Variants in NEK5 observed in about 807,000 individuals in gnomAD.
NEK5 encodes serine/threonine-protein kinase Nek5.
Under a neutral mutation model 109.2 loss-of-function variants are expected in NEK5, and 88 were observed. The observed-to-expected ratio is 0.81, with a 90% CI of 0.68 to 0.96. The LOEUF (loss-of-function observed/expected upper bound fraction) is 0.96. Ranked by LOEUF, NEK5 falls within the 40% of genes least tolerant of loss-of-function variation. The probability of loss-of-function intolerance (pLI) is 0.00; values close to 1 mark genes in which losing one functional copy is unlikely to be tolerated. For missense variants in NEK5, 834 were observed against 920.7 expected (o/e 0.91, Z 1.22); for synonymous variants, 283 against 299.9 (o/e 0.94, Z 0.58).
intron 23 of NEK5, among the ~76,000 whole-genome samples, chr13:52,045,575 C>T (rs1248641380): frequency 8.0e-6 from 1 of 125,354 alleles, no homozygotes; most frequent in South Asian, 2.8e-4. Context: ...ACCATCCTGG[C>T]TAACAAGGTG....
chr13:52,128,379 C>T (rs1258983400), intron 1 of NEK5, among the ~76,000 whole-genome samples: 1 of 152,110 alleles, frequency 6.6e-6, no homozygotes, highest in African/African-American at 2.4e-5. Flanking sequence ...TCCCCAGGCG[C>T]GGCTACTGGC....
rs1316081619 is a variant in NEK5, at chr13:52,072,066, A to G, written c.1727T>C (p.Met576Thr). 1.2e-6 allele frequency: 2 copies of G among 1,609,932 alleles called. No individual in the cohort carries two copies. Among genetic ancestry groups the G allele is most frequent in the East Asian group, 4.5e-5 (2 of 44,854 alleles). ...GGTCAAAGTTTCATTTGGTATATCC[A>G]TTGCCTAAATCAATTCCACAGTGTT... The part of the protein sequence containing the change: ...DENILQEEEA[M>T]DIPNETLTFE... Residue 576 changes from methionine to threonine, a missense_variant, in exon 20 of 24, where the codon ATG becomes ACG. Around this residue, in one of 2 missense-constraint regions of NEK5, gnomAD observed 777 missense variants for 824.7 expected, o/e 0.94. Transcript: ENST00000684899.
At chr13:52,100,108 C>A (rs540244416) in intron 11 of NEK5, among the ~76,000 whole-genome samples, 40 of 152,120 alleles carry the variant, frequency 2.6e-4, no homozygotes, top group African/African-American at 9.4e-4. Flanking sequence ...TAATATATAA[C>A]ATCACTTTTT....
At chr13:52,039,325 T>G (rs1174554563) in intron 23 of NEK5, among the ~76,000 whole-genome samples, 1 of 152,136 alleles carries the variant, frequency 6.6e-6, no homozygotes, top group Non-Finnish European at 1.5e-5. Context: ...GGCTTAGGAT[T>G]GCCAGTCATC....
Position 52,127,634 on chromosome 13 carries a change from CAAAT to C in NEK5, c.-66_-63del, listed in dbSNP as rs1956091811. On this transcript the variant is annotated 5_prime_UTR_variant, in exon 2 of 24. Transcript: ENST00000684899. ...CCTCCCAGCCTTGCCAAGACAGAGACAAATAACTTTCTTTGTGGCCACAGATAAC... is the reference window on the plus strand; with the variant it reads ...CCTCCCAGCCTTGCCAAGACAGAGACAACTTTCTTTGTGGCCACAGATAAC... The C allele has an allele frequency of 3.2e-5, 19 of 592,404 alleles. No homozygotes were observed. Among genetic ancestry groups the C allele is most frequent in the Middle Eastern group, 2.9e-4 (1 of 3,504 alleles). The allele number at this position is 592,404 out of a possible 1,614,324, so 36.7% of individuals were successfully genotyped here.
chr13:52,068,300 C>T (rs370739210), intron 20 of NEK5, among the ~76,000 whole-genome samples: 8 of 152,098 alleles, frequency 5.3e-5, no homozygotes, highest in South Asian at 2.1e-4. Context: ...CCTCAGACAA[C>T]GATACTGCAA....
intron 17 of NEK5, among the ~76,000 whole-genome samples, chr13:52,082,486 A>C (rs1324642873): frequency 6.6e-6 from 1 of 152,232 alleles, no homozygotes; most frequent in Non-Finnish European, 1.5e-5. Context: ...ATTGTTTATC[A>C]GGTCATTTCA....
At chr13:52,096,411 A>C (rs945519224) in intron 12 of NEK5, among the ~76,000 whole-genome samples, 2 of 152,180 alleles carry the variant, frequency 1.3e-5, no homozygotes, top group African/African-American at 4.8e-5. Flanking sequence ...TGATAGTGAT[A>C]TGGTCAATAA....
chr13:52,077,502 C>T (rs982781993), intron 17 of NEK5, among the ~76,000 whole-genome samples: 6 of 152,036 alleles, frequency 3.9e-5, no homozygotes, highest in African/African-American at 7.2e-5. Context: ...GGATGGAAAC[C>T]GAAGATGAGT....
intron 17 of NEK5, among the ~76,000 whole-genome samples, chr13:52,082,836 G>A (rs936647853): frequency 3.9e-5 from 6 of 152,224 alleles, no homozygotes; most frequent in African/African-American, 1.2e-4. Context: ...ATCTGGGGCA[G>A]AGAGAGGCAT....
At chr13:52,081,105 C>G (rs1173022755) in intron 17 of NEK5, among the ~76,000 whole-genome samples, 1 of 152,022 alleles carries the variant, frequency 6.6e-6, no homozygotes, top group East Asian at 1.9e-4. Context: ...GCATGCCATG[C>G]TAAGAGAAAT....
At chr13:52,079,561 C>G (rs1481053269) in intron 17 of NEK5, among the ~76,000 whole-genome samples, 2 of 152,280 alleles carry the variant, frequency 1.3e-5, no homozygotes, top group Non-Finnish European at 2.9e-5. Flanking sequence ...CTCAGCCTCC[C>G]GAGGTGCCGG....
intron 15 of NEK5, 105 bp from the exon 16 acceptor site, chr13:52,086,468 GT>G: frequency 1.3e-6 from 1 of 748,016 alleles, no homozygotes; most frequent in Non-Finnish European, 2.3e-6. Context: ...ATAAAATAAG[GT>G]TAGAAAAATA....
chr13:52,080,579 T>C (rs1954985704), intron 17 of NEK5, among the ~76,000 whole-genome samples: 1 of 152,202 alleles, frequency 6.6e-6, no homozygotes, highest in South Asian at 2.1e-4. Context: ...ATCCTGTTGA[T>C]CTGTGACCTT....
intron 4 of NEK5, among the ~76,000 whole-genome samples, chr13:52,114,271 G>A (rs1955808206): frequency 1.3e-5 from 2 of 152,146 alleles, no homozygotes; most frequent in Non-Finnish European, 2.9e-5. Flanking sequence ...CAAAACATAA[G>A]CGCCAAAATC....
chr13:52,113,266 T>C (rs1955790236), intron 4 of NEK5, among the ~76,000 whole-genome samples: 1 of 152,148 alleles, frequency 6.6e-6, no homozygotes, highest in Non-Finnish European at 1.5e-5. Context: ...ATAAGACACA[T>C]AACTTACATA....
At chr13:52,095,258 G>C (rs1445438290) in intron 12 of NEK5, among the ~76,000 whole-genome samples, 1 of 148,508 alleles carries the variant, frequency 6.7e-6, no homozygotes, top group Non-Finnish European at 1.5e-5. Context: ...TTTAAAACAA[G>C]AAGTAGTTTT....
At chr13:52,082,354 T>A in intron 17 of NEK5, 1 of 1,190,668 alleles carries the variant, frequency 8.4e-7, no homozygotes, top group Non-Finnish European at 1.1e-6. Context: ...ATGGGCCAAA[T>A]CATTGAGAAT....
chr13:52,103,846 G>A (rs1222212940), intron 9 of NEK5, among the ~76,000 whole-genome samples: 1 of 152,166 alleles, frequency 6.6e-6, no homozygotes, highest in African/African-American at 2.4e-5. Context: ...GGAGGATTTG[G>A]CACATCCCAT....
Sources: allele counts gnomAD v4.1 joint callset (sites outside exome capture counted in the v4.1 genomes callset), GRCh38; gene constraint gnomAD v4.1.1; regional missense constraint gnomAD v4.1.1; transcripts MANE v1.5; gene names NCBI Gene and HGNC (gene_info 2026-07-23, HGNC 2026-07-21).